Variants in KMT5B observed in about 807,000 individuals in gnomAD.
KMT5B encodes the protein histone-lysine N-methyltransferase KMT5B.
A neutral mutation model predicts 83.2 loss-of-function variants in KMT5B; 10 were observed. That is an observed-to-expected ratio of 0.12 (90% CI 0.07 to 0.20). KMT5B has a LOEUF of 0.20. Ranked by LOEUF, KMT5B falls within the 10% of genes least tolerant of loss-of-function variation. The pLI, the probability that KMT5B is intolerant of heterozygous loss-of-function variation, is 1.00. For synonymous variants in KMT5B, 349 were observed against 388.8 expected, an observed-to-expected ratio of 0.90 and a Z score of 1.20; for missense variants, 753 against 1,067.2, an observed-to-expected ratio of 0.71 and a Z score of 4.10.
chr11:68,173,296 C>T (rs1420410721), intron 6 of KMT5B, among the ~76,000 whole-genome samples: 1 of 152,208 alleles, frequency 6.6e-6, no homozygotes, highest in Non-Finnish European at 1.5e-5. Context: ...CTGCCTCGGC[C>T]TCCCAAAGTG....
intron 1 of KMT5B, among the ~76,000 whole-genome samples, chr11:68,202,935 T>C (rs1041922547): frequency 1.3e-5 from 2 of 152,160 alleles, no homozygotes; most frequent in African/African-American, 4.8e-5. Flanking sequence ...CTTTTGACGA[T>C]ATACCCAGAA....
rs553988762 is a variant in KMT5B, at chr11:68,175,323, C to A, written c.378-140G>T. On this transcript the variant is annotated intron_variant, in intron 4 of 10. Transcript: ENST00000304363. ...GCAAAGATCTAAGAGAAGAGAACAA[C>A]AATCAATAGTCTTGATTACTACTAT... is the stretch of plus-strand genomic sequence containing the variant. 4 of 605,406 alleles carry A rather than the reference C, an allele frequency of 6.6e-6. No homozygotes were observed. In the East Asian group the frequency reaches 1.1e-4, roughly 17 times the overall value. 37.5% of individuals were successfully genotyped at this position (605,406 alleles called of 1,614,324 possible). A position where few individuals can be genotyped will look rare whatever the true frequency, so the allele number is the denominator to read the frequency against.
In KMT5B at chr11:68,190,136, A is replaced by G; in HGVS notation, c.-60T>C. The G allele has an allele frequency of 6.7e-7, 1 of 1,493,036 alleles. No individual in the cohort carries two copies. The highest frequency in any genetic ancestry group is 9.3e-7 in the Non-Finnish European group (1 of 1,080,252). The allele number at this position is 1,493,036 out of a possible 1,614,324, so 92.5% of individuals were successfully genotyped here. On this transcript the variant is annotated 5_prime_UTR_variant, in exon 2 of 11. Coordinates refer to ENST00000304363, the MANE Select transcript of KMT5B (RefSeq NM_017635.5). ...ACTCTCTTCAAATAGCTTAGAGAAT[A>G]CTTTCAATGTTCTCTCCTAACAGAA...
intron 2 of KMT5B, 129 bp downstream of exon 2, chr11:68,189,788 C>T (rs1857844225): frequency 3.6e-6 from 3 of 836,014 alleles, no homozygotes; most frequent in African/African-American, 1.7e-5. Context: ...AGTAAAAAGA[C>T]TATATTGTTA....
At chr11:68,172,580 T>C (rs1226830540) in intron 6 of KMT5B, among the ~76,000 whole-genome samples, 1 of 152,116 alleles carries the variant, frequency 6.6e-6, no homozygotes. Context: ...CAGTAGGTAA[T>C]ATAAGAACTA....
At chr11:68,213,560 C>G (rs865777438), upstream of KMT5B, 1 of 152,050 alleles carries the variant, frequency 6.6e-6, no homozygotes, top group Non-Finnish European at 1.5e-5. Flanking sequence ...CGCGCGGTGC[C>G]GCCTCCGGTT....
In KMT5B at chr11:68,171,381, A is replaced by G; in HGVS notation, c.821-130T>C. The G allele has an allele frequency of 8.0e-7, 1 of 1,256,626 alleles. No individual in the cohort carries two copies. The highest frequency in any genetic ancestry group is 1.1e-6 in the Non-Finnish European group (1 of 892,768). The allele number at this position is 1,256,626 out of a possible 1,614,324, so 77.8% of individuals were successfully genotyped here. A position where few individuals can be genotyped will look rare whatever the true frequency, so the allele number is the denominator to read the frequency against. Reference sequence around the variant, plus strand: ...TGATAGGAGTTTAGGTCTCAAGTTCAACTAAAGGAATATACATTTATTTTA... The same window carrying G: ...TGATAGGAGTTTAGGTCTCAAGTTCGACTAAAGGAATATACATTTATTTTA... On this transcript the variant is annotated intron_variant, in intron 7 of 10. Coordinates refer to ENST00000304363, the MANE Select transcript of KMT5B (RefSeq NM_017635.5). This position sits in a 1 kb window ranked among gnomAD's most constrained non-coding sequence, Gnocchi z 5.1.
chr11:68,190,653 A>T (rs1300239110), intron 1 of KMT5B, among the ~76,000 whole-genome samples: 1 of 152,234 alleles, frequency 6.6e-6, no homozygotes, highest in Non-Finnish European at 1.5e-5. Flanking sequence ...AAGTTAAAAA[A>T]ATAAAAGTAG....
intron 10 of KMT5B, chr11:68,166,701 G>A (rs1046280744): frequency 2.4e-6 from 3 of 1,244,750 alleles, no homozygotes; most frequent in Non-Finnish European, 3.0e-6. Context: ...CCTTGAAAAT[G>A]TTTAAAACAT....
At chr11:68,189,847 C>G in intron 2 of KMT5B, 70 bp downstream of exon 2, 1 of 1,431,884 alleles carries the variant, frequency 7.0e-7, no homozygotes, top group South Asian at 1.4e-5. Context: ...ACAGAATACA[C>G]ATTACAAACT....
intron 1 of KMT5B, among the ~76,000 whole-genome samples, chr11:68,202,866 G>A (rs143969788): frequency 8.2e-4 from 125 of 151,890 alleles, no homozygotes; most frequent in African/African-American, 2.8e-3. Flanking sequence ...TGTTTTGGCC[G>A]AATAATCCTG....
intron 1 of KMT5B, 101 bp from the exon 2 acceptor site, chr11:68,190,253 G>T (rs574238932): frequency 1.7e-6 from 1 of 604,358 alleles, no homozygotes; most frequent in African/African-American, 1.9e-5. Context: ...ATATTAAAAG[G>T]ACAGTCATTC....
At chr11:68,182,603 C>A (rs1476027674) in intron 3 of KMT5B, among the ~76,000 whole-genome samples, 1 of 152,070 alleles carries the variant, frequency 6.6e-6, no homozygotes, top group African/African-American at 2.4e-5. Flanking sequence ...GGATTACAGG[C>A]ATGAGCCACT....
chr11:68,191,897 C>T (rs1226456117), intron 1 of KMT5B, among the ~76,000 whole-genome samples: 1 of 152,230 alleles, frequency 6.6e-6, no homozygotes, highest in African/African-American at 2.4e-5. Flanking sequence ...TCAAATCCTG[C>T]AAGTTCCATT....
intron 1 of KMT5B, among the ~76,000 whole-genome samples, chr11:68,194,830 T>C (rs1858516385): frequency 6.6e-6 from 1 of 152,200 alleles, no homozygotes; most frequent in Admixed American, 6.5e-5. Flanking sequence ...AAACTTGGCA[T>C]GATAAATTTA....
At chr11:68,176,887 T>C (rs923268277) in intron 4 of KMT5B, among the ~76,000 whole-genome samples, 2 of 152,196 alleles carry the variant, frequency 1.3e-5, no homozygotes, top group Non-Finnish European at 2.9e-5. Flanking sequence ...AAAAAATCTT[T>C]ATGTGTCTTA....
At chr11:68,205,623 C>CT (rs61314677) in intron 1 of KMT5B, among the ~76,000 whole-genome samples, 18,001 of 140,446 alleles carry the variant, frequency 0.13, 1,285 homozygotes, top group East Asian at 0.21. Context: ...ATTCGCAATT[C>CT]TTTTTTTTTT....
intron 4 of KMT5B, among the ~76,000 whole-genome samples, chr11:68,175,611 A>G (rs1856287499): frequency 1.3e-5 from 2 of 152,214 alleles, no homozygotes; most frequent in Admixed American, 6.5e-5. Context: ...TAGAGTTAGA[A>G]TGACAAGAAT....
intron 3 of KMT5B, among the ~76,000 whole-genome samples, chr11:68,180,913 T>A (rs1856856826): frequency 1.3e-5 from 2 of 152,162 alleles, no homozygotes; most frequent in African/African-American, 2.4e-5. Flanking sequence ...TTTCTCCCAA[T>A]AAATTGAAAT....
Sources: gnomAD v4.1 joint callset for allele counts (sites outside exome capture counted in the v4.1 genomes callset) on GRCh38, gnomAD v4.1.1 for gene constraint, Gnocchi (gnomAD v3.1) non-coding constraint, MANE v1.5 for transcripts, NCBI Gene and HGNC (gene_info 2026-07-23, HGNC 2026-07-21) for gene names.